Variants in ZMYM4 observed in about 807,000 individuals in gnomAD.
ZMYM4 encodes the protein zinc finger MYM-type protein 4.
In ZMYM4, 31 loss-of-function variants were observed where a neutral mutation model predicts 183.2. The ratio of observed to expected loss-of-function variants is 0.17; its 90% CI spans 0.13 to 0.23. The LOEUF (loss-of-function observed/expected upper bound fraction) is 0.23. ZMYM4 is among the 10% of genes least tolerant of loss of function. ZMYM4 has a pLI of 1.00. For missense variants in ZMYM4, 1,273 were observed against 1,840.3 expected, an observed-to-expected ratio of 0.69 and a Z score of 5.64; for synonymous variants, 592 against 631.2, an observed-to-expected ratio of 0.94 and a Z score of 0.93.
intron 2 of ZMYM4, among the ~76,000 whole-genome samples, chr1:35,329,623 A>G (rs1642648590): frequency 6.6e-6 from 1 of 152,202 alleles, no homozygotes; most frequent in African/African-American, 2.4e-5. Flanking sequence ...AAGTACAGTT[A>G]TTTGGATTCT....
chr1:35,273,142 C>A (rs1049789525), intron 1 of ZMYM4, among the ~76,000 whole-genome samples: 1 of 152,156 alleles, frequency 6.6e-6, no homozygotes, highest in Admixed American at 6.5e-5. Context: ...GCTAGTCTCT[C>A]AATTTGTGAA....
chr1:35,274,616 TAAAA>T (rs75013095), intron 1 of ZMYM4, among the ~76,000 whole-genome samples: 15 of 134,638 alleles, frequency 1.1e-4, no homozygotes, highest in South Asian at 2.4e-4. Flanking sequence ...TTTTTTTTTT[TAAAA>T]AAAAAAAAAA....
Position 35,385,421 on chromosome 1 carries a change from GT to G in ZMYM4, c.1570-19del. 1 of 1,592,378 alleles carries G rather than the reference GT, an allele frequency of 6.3e-7. No homozygotes were observed. Among genetic ancestry groups the G allele is most frequent in the Non-Finnish European group, 8.5e-7 (1 of 1,173,992 alleles). On this transcript the variant is annotated intron_variant, in intron 9 of 29. Coordinates refer to ENST00000314607, the MANE Select transcript of ZMYM4 (RefSeq NM_005095.3). Reference sequence around the variant, plus strand: ...TACTAGGAATTTGTTAAAAATGAATGTTGTTTTATTCTCTTAATAGAAATCA... The same window carrying G: ...TACTAGGAATTTGTTAAAAATGAATGTGTTTTATTCTCTTAATAGAAATCA...
At chr1:35,352,386 GCACACA>G (rs374281470) in intron 2 of ZMYM4, among the ~76,000 whole-genome samples, 76 of 128,468 alleles carry the variant, frequency 5.9e-4, no homozygotes, top group Middle Eastern at 3.8e-3. Context: ...AAAAATTAGC[GCACACA>G]CACACACACA....
intron 5 of ZMYM4, among the ~76,000 whole-genome samples, chr1:35,362,499 A>T (rs1643961306): frequency 6.6e-6 from 1 of 152,248 alleles, no homozygotes; most frequent in Admixed American, 6.5e-5. Flanking sequence ...AAGTGCAAGA[A>T]GGGGTCCAAG....
At chr1:35,346,496 C>T (rs1324510179) in intron 2 of ZMYM4, among the ~76,000 whole-genome samples, 2 of 151,696 alleles carry the variant, frequency 1.3e-5, no homozygotes, top group Admixed American at 1.3e-4. Context: ...ACTACAAACA[C>T]AAAAATTAGC....
At chr1:35,281,601 C>T (rs1419051659) in intron 1 of ZMYM4, among the ~76,000 whole-genome samples, 2 of 151,580 alleles carry the variant, frequency 1.3e-5, no homozygotes, top group Non-Finnish European at 1.5e-5. Flanking sequence ...ATCAAAACAC[C>T]ACTGTGTACC....
At chr1:35,283,941 G>A (rs1351455509) in intron 1 of ZMYM4, among the ~76,000 whole-genome samples, 1 of 151,346 alleles carries the variant, frequency 6.6e-6, no homozygotes, top group African/African-American at 2.4e-5. Context: ...CCTCACGATA[G>A]TGGCCTTGAT....
At chr1:35,307,536 A>T (rs1318837064) in intron 1 of ZMYM4, among the ~76,000 whole-genome samples, 1,523 of 146,546 alleles carry the variant, frequency 0.01, 30 homozygotes, top group African/African-American at 0.035. Flanking sequence ...TATTATTATT[A>T]TTATTATTTT....
intron 1 of ZMYM4, among the ~76,000 whole-genome samples, chr1:35,281,668 A>G (rs963393561): frequency 2.0e-5 from 3 of 150,772 alleles, no homozygotes; most frequent in Non-Finnish European, 4.4e-5. Flanking sequence ...ATAAATATAT[A>G]TATATATATA....
At chr1:35,323,678 G>C (rs1314687726) in intron 1 of ZMYM4, among the ~76,000 whole-genome samples, 2 of 151,800 alleles carry the variant, frequency 1.3e-5, no homozygotes, top group African/African-American at 4.8e-5. Flanking sequence ...TCAGCCTCCT[G>C]AGTAGCGGGG....
rs367582498 is a variant in ZMYM4 at position 35,330,783 on chromosome 1, G to C, written c.85+5378G>C. 2.4e-4 allele frequency among the ~76,000 whole-genome samples: 37 copies of C among 152,196 alleles called. 1 individual carries two copies. The highest frequency in any genetic ancestry group is 1.5e-3 in the East Asian group (8 of 5,202). Reference sequence around the variant, plus strand: ...TAAGTGATGGAATCAGGATTTGAATGCTGATTTACCTAGCTACTAAGACCC... The same window carrying C: ...TAAGTGATGGAATCAGGATTTGAATCCTGATTTACCTAGCTACTAAGACCC... On this transcript the variant is annotated intron_variant, in intron 2 of 29. Transcript: ENST00000314607.
At chr1:35,328,971 A>C (rs552852007) in intron 2 of ZMYM4, among the ~76,000 whole-genome samples, 2 of 152,100 alleles carry the variant, frequency 1.3e-5, no homozygotes, top group South Asian at 4.2e-4. Context: ...TAGACCTACC[A>C]TCTACTCATT....
chr1:35,290,866 A>T lies in ZMYM4; in HGVS notation c.39+21781A>T, dbSNP rs921566106. Among the ~76,000 whole-genome samples the T allele has an allele frequency of 3.9e-5, 6 of 152,350 alleles. No homozygotes were observed. In the South Asian group the frequency reaches 1.0e-3, roughly 26 times the overall value. ...ATATCTCAATAAAGCTGTTATTTTT[A>T]AAAAAGAAGCTAAACCAAATAGCAT... is the stretch of plus-strand genomic sequence containing the variant. On this transcript the variant is annotated intron_variant, in intron 1 of 29. Coordinates refer to ENST00000314607, the MANE Select transcript of ZMYM4 (RefSeq NM_005095.3).
At position 35,332,077 on chromosome 1, in the gene ZMYM4, T is replaced by A. The variant is rs144590640; in HGVS notation, c.85+6672T>A. Among the ~76,000 whole-genome samples, 13 of 152,138 alleles carry A rather than the reference T, an allele frequency of 8.5e-5. 2 individuals carry two copies. The highest frequency in any genetic ancestry group is 2.6e-4 in the African/African-American group (11 of 41,564). On this transcript the variant is annotated intron_variant, in intron 2 of 29. Transcript: ENST00000314607. ...GCCATGTGGGTGAAATAGATGTCTATTAATCATTTATTAAATTATATACAT... is the reference window on the plus strand; with the variant it reads ...GCCATGTGGGTGAAATAGATGTCTAATAATCATTTATTAAATTATATACAT...
intron 2 of ZMYM4, among the ~76,000 whole-genome samples, chr1:35,342,975 G>A (rs1251154336): frequency 6.6e-6 from 1 of 152,022 alleles, no homozygotes; most frequent in South Asian, 2.1e-4. Flanking sequence ...AGAATCCTGA[G>A]CCTGGCCCAG....
intron 2 of ZMYM4, among the ~76,000 whole-genome samples, chr1:35,344,473 A>ATT (rs559794324): frequency 6.8e-6 from 1 of 146,546 alleles, no homozygotes; most frequent in Non-Finnish European, 1.5e-5. Flanking sequence ...TGAGATGTTG[A>ATT]TTTTTTTTTT....
intron 1 of ZMYM4, among the ~76,000 whole-genome samples, chr1:35,294,532 A>G (rs962359451): frequency 1.3e-5 from 2 of 152,182 alleles, no homozygotes; most frequent in Non-Finnish European, 2.9e-5. Flanking sequence ...AGGGTCTTAA[A>G]TATGATACTG....
intron 2 of ZMYM4, among the ~76,000 whole-genome samples, chr1:35,345,212 A>G (rs1643347757): frequency 2.0e-5 from 3 of 152,186 alleles, no homozygotes; most frequent in Admixed American, 2.0e-4. Context: ...ATTAGAATTA[A>G]GTTTAAATAG....
Sources: allele counts gnomAD v4.1 joint callset (sites outside exome capture counted in the v4.1 genomes callset), GRCh38; gene constraint gnomAD v4.1.1; transcripts MANE v1.5; gene names NCBI Gene and HGNC (gene_info 2026-07-23, HGNC 2026-07-21).